The following SPATA13 variants were observed in gnomAD, a reference collection of about 807,000 sequenced individuals.
The protein encoded by SPATA13 is spermatogenesis associated 13.
Under a neutral mutation model 104.0 loss-of-function variants are expected in SPATA13, and 50 were observed. The ratio of observed to expected loss-of-function variants is 0.48; its 90% CI spans 0.38 to 0.61. SPATA13 has a LOEUF of 0.61. Ranked by LOEUF, SPATA13 falls within the 20% of genes least tolerant of loss-of-function variation. SPATA13 has a pLI of 0.00. For synonymous variants in SPATA13, 606 were observed against 667.5 expected (o/e 0.91, Z 1.42); for missense variants, 1,524 against 1,690.6 (o/e 0.90, Z 1.73).
rs1458068316 is a variant in SPATA13 at position 24,103,504 on chromosome 13, A to AAAAGAGAG, written c.-112+85804_-112+85805insAAGAGAGA. On this transcript the variant is annotated intron_variant, in intron 3 of 14. Coordinates refer to the SPATA13 transcript ENST00000424834. Reference sequence around the variant, plus strand: ...TGTCTCAAAAAAAAAAAAAAAAAACAAGAAAGAAAAGAGCAGGGGAGGAGA... The same window carrying AAAAGAGAG: ...TGTCTCAAAAAAAAAAAAAAAAAACAAAAGAGAGAGAAAGAAAAGAGCAGGGGAGGAGA... 9.5e-5 allele frequency among the ~76,000 whole-genome samples: 11 copies of AAAAGAGAG among 115,612 alleles called. No homozygotes were observed. In the East Asian group the frequency reaches 2.5e-3, roughly 26 times the overall value. 75.8% of individuals were successfully genotyped at this position (115,612 alleles called of 152,430 possible).
intron 3 of SPATA13, among the ~76,000 whole-genome samples, chr13:24,018,633 G>A (rs139466692): frequency 6.6e-6 from 1 of 152,182 alleles, no homozygotes; most frequent in African/African-American, 2.4e-5. Context: ...CGAGGTGAGC[G>A]CTGCTTGTTT....
rs537053495 is a variant in SPATA13, at chr13:24,017,801, C to T, written c.-112+100C>T. The T allele has an allele frequency of 3.8e-5, 24 of 636,504 alleles. No individual in the cohort carries two copies. In the South Asian group the frequency reaches 7.0e-4, roughly 18 times the overall value. 39.4% of individuals were successfully genotyped at this position (636,504 alleles called of 1,614,324 possible). ...GATTGTATAATCTGTATGTTAACTC[C>T]GTAATCCATATGTTACCTCTGTAAC... On this transcript the variant is annotated intron_variant, in intron 3 of 14. Coordinates refer to the SPATA13 transcript ENST00000424834.
intron 1 of SPATA13, among the ~76,000 whole-genome samples, chr13:24,210,585 G>GCTTCATAT (rs1248370695): frequency 3.3e-5 from 5 of 151,932 alleles, no homozygotes; most frequent in Middle Eastern, 6.3e-3. Flanking sequence ...TTATTTCTGG[G>GCTTCATAT]CTTCATATTC....
At chr13:24,002,530 C>G (rs1876026791) in intron 2 of SPATA13, among the ~76,000 whole-genome samples, 1 of 152,146 alleles carries the variant, frequency 6.6e-6, no homozygotes, top group Non-Finnish European at 1.5e-5. Flanking sequence ...CCAGATCGGC[C>G]TCAGTGGCCT....
intron 2 of SPATA13, chr13:24,224,861 G>C (rs1172056446): frequency 2.0e-6 from 1 of 490,918 alleles, no homozygotes; most frequent in Non-Finnish European, 3.8e-6. Flanking sequence ...CATGTACCAG[G>C]TACTAGATTC....
intron 1 of SPATA13, among the ~76,000 whole-genome samples, chr13:24,213,516 C>A (rs539241650): frequency 6.6e-6 from 1 of 152,280 alleles, no homozygotes; most frequent in South Asian, 2.1e-4. Flanking sequence ...CCATCTGCCT[C>A]GGCCTCCCAA....
chr13:24,196,785 AGT>A (rs2138562005), intron 1 of SPATA13, among the ~76,000 whole-genome samples: 1 of 152,274 alleles, frequency 6.6e-6, no homozygotes, highest in East Asian at 1.9e-4. Context: ...TCGGGCACTT[AGT>A]GTTCAGTAAT....
chr13:24,104,434 A>G (rs1302386803), intron 3 of SPATA13, among the ~76,000 whole-genome samples: 1 of 152,226 alleles, frequency 6.6e-6, no homozygotes, highest in Non-Finnish European at 1.5e-5. Context: ...CTAATCCTTA[A>G]AACACTTTCC....
intron 3 of SPATA13, among the ~76,000 whole-genome samples, chr13:24,018,975 G>C (rs2137696824): frequency 6.6e-6 from 1 of 152,242 alleles, no homozygotes; most frequent in East Asian, 1.9e-4. Flanking sequence ...GAATACTGAG[G>C]CATATCTGAT....
intron 3 of SPATA13, among the ~76,000 whole-genome samples, chr13:24,044,750 G>A (rs533101071): frequency 5.3e-5 from 8 of 152,200 alleles, no homozygotes; most frequent in African/African-American, 1.7e-4. Context: ...TTGCAATGTG[G>A]ATGAACCTAG....
At chr13:24,116,778 C>T (rs988653475) in intron 3 of SPATA13, among the ~76,000 whole-genome samples, 1 of 144,404 alleles carries the variant, frequency 6.9e-6, no homozygotes, top group East Asian at 2.1e-4. Flanking sequence ...AGCCCCCCCC[C>T]CCCAATGTGC....
chr13:24,201,639 C>T (rs1312576344), intron 1 of SPATA13, among the ~76,000 whole-genome samples: 3 of 152,156 alleles, frequency 2.0e-5, no homozygotes, highest in Admixed American at 6.5e-5. Context: ...CAGGGTTTCA[C>T]CATGTTGGCC....
intron 1 of SPATA13, among the ~76,000 whole-genome samples, chr13:24,196,511 G>C (rs981787483): frequency 6.6e-6 from 1 of 152,148 alleles, no homozygotes; most frequent in African/African-American, 2.4e-5. Context: ...CTGGTGGGAA[G>C]ATCACTTGAG....
chr13:24,288,881 T>G, intron 7 of SPATA13, 118 bp from the exon 8 acceptor site: 1 of 843,372 alleles, frequency 1.2e-6, no homozygotes, highest in Non-Finnish European at 1.8e-6. Context: ...CAGAGACTCA[T>G]AGAGTCTTTT....
At position 24,161,306 on chromosome 13, in the gene SPATA13, G is replaced by C. The variant is rs1486874135; in HGVS notation, c.-112+374G>C. 6.6e-6 allele frequency among the ~76,000 whole-genome samples: 1 copy of C among 152,220 alleles called. No individual in the cohort carries two copies. Among genetic ancestry groups the C allele is most frequent in the Non-Finnish European group, 1.5e-5 (1 of 68,036 alleles). On this transcript the variant is annotated intron_variant, in intron 1 of 12. Coordinates refer to ENST00000382108, the MANE Select transcript of SPATA13 (RefSeq NM_001166271.3). This position sits in a 1 kb window ranked among gnomAD's most constrained non-coding sequence, Gnocchi z 4.5. ...GGCCTACAGGGGCGGCCGTGGGGGT[G>C]GCAGAGTCTGGGGAGCCTGGCGCGG...
At chr13:24,159,130 TA>T (rs1340223019), upstream of SPATA13, among the ~76,000 whole-genome samples, 46 of 33,632 alleles carry the variant, frequency 1.4e-3, no homozygotes, top group African/African-American at 2.1e-3. Context: ...TAGACCGTGA[TA>T]TTTTTTTTTA....
chr13:24,064,336 A>C (rs1305011041), intron 3 of SPATA13, among the ~76,000 whole-genome samples: 3 of 152,228 alleles, frequency 2.0e-5, no homozygotes, highest in African/African-American at 7.2e-5. Context: ...GTACAATTAA[A>C]TCAATGGGAG....
At chr13:24,047,870 C>A (rs1381628157) in intron 3 of SPATA13, among the ~76,000 whole-genome samples, 2 of 152,182 alleles carry the variant, frequency 1.3e-5, no homozygotes, top group Non-Finnish European at 2.9e-5. Flanking sequence ...TGTGGGAGAG[C>A]TGGTGTAGTT....
At chr13:24,024,139 T>C (rs1474178474) in intron 3 of SPATA13, among the ~76,000 whole-genome samples, 1 of 152,086 alleles carries the variant, frequency 6.6e-6, no homozygotes, top group African/African-American at 2.4e-5. Context: ...TTCAGAGCAA[T>C]CCATTTCTAC....
Sources: gnomAD v4.1 joint callset for allele counts (sites outside exome capture counted in the v4.1 genomes callset) on GRCh38, gnomAD v4.1.1 for gene constraint, Gnocchi (gnomAD v3.1) non-coding constraint, MANE v1.5 for transcripts, NCBI Gene and HGNC (gene_info 2026-07-23, HGNC 2026-07-21) for gene names.